Variants in KALRN observed in about 807,000 individuals in gnomAD.
KALRN encodes kalirin RhoGEF kinase.
Under a neutral mutation model 353.7 loss-of-function variants are expected in KALRN, and 70 were observed. That is an observed-to-expected ratio of 0.20 (90% confidence interval 0.16 to 0.24). The LOEUF is 0.24. Ranked by LOEUF, KALRN falls within the 10% of genes least tolerant of loss-of-function variation. The pLI is 1.00. For missense variants in KALRN, 2,791 were observed against 3,756.7 expected (o/e 0.74, Z 6.72); for synonymous variants, 1,391 against 1,434.8 (o/e 0.97, Z 0.69).
intron 34 of KALRN, among the ~76,000 whole-genome samples, chr3:124,619,936 A>G (rs2079087856): frequency 6.6e-6 from 1 of 151,100 alleles, no homozygotes; most frequent in Non-Finnish European, 1.5e-5. Context: ...GATAATAGCC[A>G]TTCTAACAGG....
At chr3:124,108,204 G>T (rs1438181393) in intron 1 of KALRN, among the ~76,000 whole-genome samples, 22 of 152,204 alleles carry the variant, frequency 1.4e-4, no homozygotes, top group Admixed American at 1.4e-3. Flanking sequence ...CCTGGGGGTA[G>T]TGATTCTGGG....
intron 37 of KALRN, among the ~76,000 whole-genome samples, chr3:124,650,069 C>T (rs2083250984): frequency 6.6e-6 from 1 of 151,974 alleles, no homozygotes; most frequent in Non-Finnish European, 1.5e-5. Flanking sequence ...ACCTTACTCT[C>T]CAGCCTCACT....
chr3:124,327,369 C>T (rs1242508756), intron 7 of KALRN, among the ~76,000 whole-genome samples: 2 of 152,110 alleles, frequency 1.3e-5, no homozygotes, highest in East Asian at 3.9e-4. Flanking sequence ...TGTCTCACTC[C>T]TTAACATAGT....
chr3:124,641,239 C>T (rs943397549), intron 37 of KALRN, among the ~76,000 whole-genome samples: 3 of 152,144 alleles, frequency 2.0e-5, no homozygotes, highest in African/African-American at 4.8e-5. Context: ...CCCATGAGTC[C>T]TTCTGGACAT....
chr3:124,271,384 C>T (rs530841491), intron 5 of KALRN, among the ~76,000 whole-genome samples: 5 of 152,162 alleles, frequency 3.3e-5, no homozygotes, highest in South Asian at 4.1e-4. Flanking sequence ...ACCAAGTAAA[C>T]GGCATACCAT....
chr3:124,600,428 T>C (rs2076683164), intron 34 of KALRN, among the ~76,000 whole-genome samples: 1 of 152,198 alleles, frequency 6.6e-6, no homozygotes, highest in Non-Finnish European at 1.5e-5. Flanking sequence ...TCTTTATTTG[T>C]GTTTTTCTGT....
intron 14 of KALRN, among the ~76,000 whole-genome samples, chr3:124,418,928 A>G (rs2092645077): frequency 6.6e-6 from 1 of 151,704 alleles, no homozygotes; most frequent in African/African-American, 2.4e-5. Flanking sequence ...TGGTTAGGAC[A>G]TGGTGATTTT....
At chr3:124,259,217 C>A (rs1198447166) in intron 3 of KALRN, among the ~76,000 whole-genome samples, 1 of 152,190 alleles carries the variant, frequency 6.6e-6, no homozygotes, top group African/African-American at 2.4e-5. Flanking sequence ...GGTAAAGGAG[C>A]TAGGCTCTGA....
chr3:124,545,513 T>C (rs2069526613), intron 33 of KALRN, among the ~76,000 whole-genome samples: 1 of 152,192 alleles, frequency 6.6e-6, no homozygotes, highest in African/African-American at 2.4e-5. Flanking sequence ...GCAGCAACTG[T>C]AGGCAGTGTG....
intron 1 of KALRN, among the ~76,000 whole-genome samples, chr3:124,223,591 G>A (rs189918070): frequency 1.7e-3 from 255 of 152,284 alleles, no homozygotes; most frequent in Admixed American, 2.2e-3. Context: ...TACTCTGGCA[G>A]CTTGAACCTC....
chr3:124,048,685 G>A (rs546718812), intron 1 of KALRN, among the ~76,000 whole-genome samples: 11 of 152,152 alleles, frequency 7.2e-5, no homozygotes, highest in East Asian at 1.9e-4. Flanking sequence ...GGGTTTCACC[G>A]TGTTAGCCAG....
At chr3:124,128,490 A>G (rs576848660) in intron 1 of KALRN, among the ~76,000 whole-genome samples, 2 of 152,292 alleles carry the variant, frequency 1.3e-5, no homozygotes, top group South Asian at 4.1e-4. Flanking sequence ...GCTCAATGCC[A>G]TTTCACTTGT....
intron 33 of KALRN, among the ~76,000 whole-genome samples, chr3:124,548,172 T>C (rs1430877571): frequency 1.3e-5 from 2 of 152,074 alleles, no homozygotes; most frequent in African/African-American, 2.4e-5. Context: ...GCTACCAAAC[T>C]CATAACTACA....
intron 34 of KALRN, among the ~76,000 whole-genome samples, chr3:124,614,127 T>C (rs1335448742): frequency 2.0e-5 from 3 of 152,216 alleles, no homozygotes; most frequent in Non-Finnish European, 4.4e-5. Flanking sequence ...GGATTTTGTG[T>C]GCCCACAAAG....
chr3:124,294,868 C>T (rs1234210043), intron 5 of KALRN, among the ~76,000 whole-genome samples: 3 of 152,060 alleles, frequency 2.0e-5, no homozygotes, highest in African/African-American at 7.2e-5. Flanking sequence ...GTATTATAAA[C>T]CAGGATGCTT....
chr3:124,292,337 G>T (rs941883054), intron 5 of KALRN, among the ~76,000 whole-genome samples: 1 of 152,104 alleles, frequency 6.6e-6, no homozygotes, highest in African/African-American at 2.4e-5. Context: ...ATTCCAGGAG[G>T]GATTGCATGA....
At chr3:124,689,233 G>A (rs934210108) in intron 51 of KALRN, among the ~76,000 whole-genome samples, 1 of 151,980 alleles carries the variant, frequency 6.6e-6, no homozygotes, top group African/African-American at 2.4e-5. Flanking sequence ...TTGAAACAGG[G>A]TCTCACTCTG....
rs762545572 is a variant in KALRN at position 124,490,683 on chromosome 3, A to G, written c.4397-11A>G. The G allele has an allele frequency of 7.5e-6, 12 of 1,610,568 alleles. No homozygotes were observed. The African/African-American group carries it at 1.1e-4, about 14-fold the overall frequency. ...GAGAAACTCCACAGGGTGGAAATGG[A>G]TGTTTTTCAGGGTTCGACGAGAACC... is the stretch of plus-strand genomic sequence containing the variant. On this transcript the variant is annotated splice_polypyrimidine_tract_variant and intron_variant, in intron 29 of 59. Coordinates refer to ENST00000682506, the MANE Select transcript of KALRN (RefSeq NM_001388419.1).
At chr3:124,189,474 C>T (rs1489673813) in intron 1 of KALRN, among the ~76,000 whole-genome samples, 1 of 152,174 alleles carries the variant, frequency 6.6e-6, no homozygotes, top group Non-Finnish European at 1.5e-5. Flanking sequence ...CAATTCTTGA[C>T]TCTGGAGGTG....
Sources: gnomAD v4.1 joint callset for allele counts (sites outside exome capture counted in the v4.1 genomes callset) on GRCh38, gnomAD v4.1.1 for gene constraint, MANE v1.5 for transcripts, NCBI Gene and HGNC (gene_info 2026-07-23, HGNC 2026-07-21) for gene names.